Variants in TMEM14A observed in about 807,000 individuals in gnomAD.
The protein encoded by TMEM14A is transmembrane protein 14A.
A neutral mutation model predicts 11.6 loss-of-function variants in TMEM14A; 8 were observed. The observed-to-expected ratio is 0.69, with a 90% CI of 0.40 to 1.24. TMEM14A has a LOEUF of 1.24. TMEM14A is among the 50% of genes most tolerant of loss of function. TMEM14A has a pLI of 0.01. For missense variants in TMEM14A, 108 were observed against 121.9 expected (o/e 0.89, Z 0.54); for synonymous variants, 34 against 45.5 (o/e 0.75, Z 1.02).
intron 1 of TMEM14A, among the ~76,000 whole-genome samples, chr6:52,672,985 C>T (rs1769190011): frequency 6.6e-6 from 1 of 152,158 alleles, no homozygotes; most frequent in Middle Eastern, 3.2e-3. Flanking sequence ...GTGTACAGCC[C>T]TGTCTTTCTC....
At chr6:52,680,679 A>ACATATATGTG (rs1769364070) in intron 2 of TMEM14A, among the ~76,000 whole-genome samples, 2 of 80,246 alleles carry the variant, frequency 2.5e-5, no homozygotes, top group African/African-American at 4.3e-5. Flanking sequence ...GTATATATAT[A>ACATATATGTG]TATACATATA....
intron 2 of TMEM14A, among the ~76,000 whole-genome samples, chr6:52,680,683 A>ATATGTG (rs1561875108): frequency 1.5e-5 from 1 of 66,818 alleles, no homozygotes; most frequent in Non-Finnish European, 3.3e-5. Flanking sequence ...ATATATATAT[A>ATATGTG]CATATATGTA....
chr6:52,676,243 G>A (rs1240307377), intron 1 of TMEM14A, among the ~76,000 whole-genome samples: 2 of 152,066 alleles, frequency 1.3e-5, no homozygotes, highest in East Asian at 3.9e-4. Context: ...GGTTGGGAGA[G>A]GTGAAGTTTG....
At chr6:52,677,252 T>A in intron 2 of TMEM14A, 80 bp downstream of exon 2, 1 of 1,472,762 alleles carries the variant, frequency 6.8e-7, no homozygotes, top group Non-Finnish European at 9.5e-7. Flanking sequence ...GCTCTGTAAG[T>A]AGGATGAGAA....
Position 52,671,146 on chromosome 6 carries a change from G to T in TMEM14A, c.-116G>T, listed in dbSNP as rs533859838. The T allele has an allele frequency of 1.3e-5, 2 of 152,324 alleles. No homozygotes were observed. The highest frequency in any genetic ancestry group is 4.8e-5 in the African/African-American group (2 of 41,476). 9.4% of individuals were successfully genotyped at this position (152,324 alleles called of 1,614,324 possible). A position where few individuals can be genotyped will look rare whatever the true frequency, so the allele number is the denominator to read the frequency against. On this transcript the variant is annotated 5_prime_UTR_variant, in exon 1 of 5. Transcript: ENST00000211314. ...ACGGCTGGGCGCCGAGTGGGACAGC[G>T]CTGGTGCGGAGACTGCTTCCGGACT...
chr6:52,683,218 T>G (rs748357857), intron 3 of TMEM14A, among the ~76,000 whole-genome samples: 4 of 152,096 alleles, frequency 2.6e-5, no homozygotes, highest in Non-Finnish European at 4.4e-5. Flanking sequence ...TCAGCACTTT[T>G]GGAGGCTGAG....
In TMEM14A at chr6:52,677,090, T is replaced by C. The variant is rs1769271023; in HGVS notation, c.-13T>C. The C allele has an allele frequency of 6.2e-7, 1 of 1,614,188 alleles. No individual in the cohort carries two copies. The highest frequency in any genetic ancestry group is 8.5e-7 in the Non-Finnish European group (1 of 1,180,022). The stretch of plus-strand genomic sequence containing the variant: ...TGTCCTTTCCCCCTTGCTTTAGAAT[T>C]GCAACCTTGCCAATGGACCTGATCG... On this transcript the variant is annotated 5_prime_UTR_variant, in exon 2 of 5. Coordinates refer to ENST00000211314, the MANE Select transcript of TMEM14A (RefSeq NM_014051.4).
At chr6:52,683,804 G>A (rs1030918124) in intron 3 of TMEM14A, among the ~76,000 whole-genome samples, 1 of 152,040 alleles carries the variant, frequency 6.6e-6, no homozygotes, top group Admixed American at 6.6e-5. Context: ...TAGTAGAGAC[G>A]AGGTTTCTCC....
intron 1 of TMEM14A, among the ~76,000 whole-genome samples, chr6:52,672,001 C>T (rs776617056): frequency 7.9e-5 from 12 of 152,318 alleles, no homozygotes; most frequent in Non-Finnish European, 1.6e-4. Context: ...TTCTTGCAAG[C>T]ATTGGGAGTA....
intron 2 of TMEM14A, among the ~76,000 whole-genome samples, chr6:52,680,553 C>T (rs1769344221): frequency 1.4e-5 from 2 of 138,680 alleles, no homozygotes; most frequent in Non-Finnish European, 3.1e-5. Context: ...TTAACATTAT[C>T]TCCAACTGTA....
rs115120607 is a variant in TMEM14A, at chr6:52,677,321, G to A, written c.70+149G>A. 4.6e-3 allele frequency: 3,839 copies of A among 828,986 alleles called. 100 individuals are homozygous for A. In the African/African-American group the frequency reaches 0.056, roughly 12 times the overall value. 51.4% of individuals were successfully genotyped at this position (828,986 alleles called of 1,614,324 possible). On this transcript the variant is annotated intron_variant, in intron 2 of 4. Transcript: ENST00000211314. ...CGTGTCTTGGAAGGGACTCATGAAA[G>A]GAAGAGGCTTCCGTGGGGCTGAGCA... is the stretch of plus-strand genomic sequence containing the variant.
chr6:52,677,016 T>C (rs1769269535), intron 1 of TMEM14A, 71 bp from the exon 2 acceptor site: 1 of 1,412,194 alleles, frequency 7.1e-7, no homozygotes, highest in Non-Finnish European at 1.0e-6. Flanking sequence ...TATAAGCGTA[T>C]CATTTTTAGA....
At chr6:52,675,063 A>G (rs1769231020) in intron 1 of TMEM14A, among the ~76,000 whole-genome samples, 1 of 152,012 alleles carries the variant, frequency 6.6e-6, no homozygotes, top group South Asian at 2.1e-4. Context: ...TTGTATATTT[A>G]GTAGAGAAGG....
At chr6:52,683,065 C>G (rs1769421297) in intron 3 of TMEM14A, among the ~76,000 whole-genome samples, 2 of 152,016 alleles carry the variant, frequency 1.3e-5, no homozygotes, top group African/African-American at 4.8e-5. Context: ...TGAGTGTCTC[C>G]TGTGGGTCCA....
chr6:52,675,782 A>G (rs1282406729), intron 1 of TMEM14A, among the ~76,000 whole-genome samples: 1 of 152,282 alleles, frequency 6.6e-6, no homozygotes, highest in Non-Finnish European at 1.5e-5. Flanking sequence ...GAAGACATCC[A>G]TCTGTAAAGA....
intron 2 of TMEM14A, 103 bp from the exon 3 acceptor site, chr6:52,681,710 T>C: frequency 1.1e-6 from 1 of 949,218 alleles, no homozygotes; most frequent in Non-Finnish European, 1.6e-6. Context: ...TGTGCCCAAG[T>C]AGGAATACAT....
rs1236104278 is a variant in TMEM14A, at chr6:52,672,030, A to G, written c.-17+785A>G. On this transcript the variant is annotated intron_variant, in intron 1 of 4. Coordinates refer to ENST00000211314, the MANE Select transcript of TMEM14A (RefSeq NM_014051.4). ...GGGAGTAGATTTATTTTGCCTCTTT[A>G]GAACAACAGTCAGTTCGCTAAGGAG... 4.6e-5 allele frequency among the ~76,000 whole-genome samples: 7 copies of G among 152,364 alleles called. No homozygotes were observed. In the East Asian group the frequency reaches 1.4e-3, roughly 29 times the overall value.
chr6:52,674,217 C>A (rs1012273577), intron 1 of TMEM14A, among the ~76,000 whole-genome samples: 1 of 76,686 alleles, frequency 1.3e-5, no homozygotes, highest in African/African-American at 3.1e-5. Context: ...ATGAGAAGTT[C>A]ATGGGGCTGA....
chr6:52,680,163 C>G (rs1157190324), intron 2 of TMEM14A, among the ~76,000 whole-genome samples: 1 of 151,898 alleles, frequency 6.6e-6, no homozygotes, highest in Non-Finnish European at 1.5e-5. Context: ...GACATTCAAT[C>G]CATGAACAGC....
Sources: allele counts gnomAD v4.1 joint callset (sites outside exome capture counted in the v4.1 genomes callset), GRCh38; gene constraint gnomAD v4.1.1; transcripts MANE v1.5; gene names NCBI Gene and HGNC (gene_info 2026-07-23, HGNC 2026-07-21).